Variants in NCAM2 observed in about 807,000 individuals in gnomAD.
The protein encoded by NCAM2 is N-CAM-2.
A neutral mutation model predicts 98.1 loss-of-function variants in NCAM2; 30 were observed. The observed-to-expected ratio is 0.31, with a 90% CI of 0.23 to 0.41. NCAM2 has a LOEUF of 0.41. NCAM2 is among the 10% of genes least tolerant of loss of function. The pLI, the probability that NCAM2 is intolerant of heterozygous loss-of-function variation, is 1.00. For missense variants in NCAM2, 867 were observed against 1,005.8 expected (o/e 0.86, Z 1.87); for synonymous variants, 368 against 342.4 (o/e 1.07, Z -0.83).
intron 12 of NCAM2, among the ~76,000 whole-genome samples, chr21:21,451,560 A>G (rs1198640684): frequency 6.6e-6 from 1 of 152,086 alleles, no homozygotes; most frequent in Admixed American, 6.6e-5. Flanking sequence ...CTCTTCCTCT[A>G]AAGCACAGTC....
chr21:21,385,398 A>G (rs929063312), intron 9 of NCAM2, among the ~76,000 whole-genome samples: 9 of 130,688 alleles, frequency 6.9e-5, no homozygotes, highest in Non-Finnish European at 1.2e-4. Flanking sequence ...ACACACACAC[A>G]CGCACACACA....
At chr21:21,336,446 TGGA>T (rs2074872202) in intron 7 of NCAM2, among the ~76,000 whole-genome samples, 1 of 151,760 alleles carries the variant, frequency 6.6e-6, no homozygotes, top group Non-Finnish European at 1.5e-5. Context: ...GGATAGCATT[TGGA>T]GATATACCTA....
chr21:21,278,485 G>A, intron 1 of NCAM2, among the ~76,000 whole-genome samples: 1 of 152,146 alleles, frequency 6.6e-6, no homozygotes, highest in East Asian at 1.9e-4. Flanking sequence ...AGGCAAGGGA[G>A]AAAAAGAGAG....
At chr21:21,385,228 A>G (rs1195267421) in intron 9 of NCAM2, among the ~76,000 whole-genome samples, 1 of 152,074 alleles carries the variant, frequency 6.6e-6, no homozygotes, top group Non-Finnish European at 1.5e-5. Context: ...TAAAACTCTT[A>G]GTACCTTATG....
intron 8 of NCAM2, among the ~76,000 whole-genome samples, chr21:21,360,361 G>A (rs1240146954): frequency 8.6e-5 from 13 of 151,830 alleles, no homozygotes; most frequent in East Asian, 1.9e-4. Flanking sequence ...ATCTTTCTTC[G>A]CTATGATATT....
intron 16 of NCAM2, among the ~76,000 whole-genome samples, chr21:21,516,027 G>T (rs866661327): frequency 6.6e-6 from 1 of 152,066 alleles, no homozygotes; most frequent in African/African-American, 2.4e-5. Flanking sequence ...AGGATTTTGA[G>T]GGAGCCACAC....
chr21:21,333,395 C>G (rs534117947), intron 6 of NCAM2, among the ~76,000 whole-genome samples: 3 of 152,134 alleles, frequency 2.0e-5, no homozygotes, highest in Non-Finnish European at 4.4e-5. Flanking sequence ...CTTGTCATAT[C>G]TCCCGTTATA....
intron 1 of NCAM2, among the ~76,000 whole-genome samples, chr21:21,012,503 C>A (rs1352669947): frequency 1.3e-5 from 2 of 151,982 alleles, no homozygotes; most frequent in Non-Finnish European, 2.9e-5. Context: ...TATTATAGCA[C>A]AGGAAAGGCC....
At chr21:21,018,117 A>G (rs1052053581) in intron 1 of NCAM2, among the ~76,000 whole-genome samples, 2 of 152,226 alleles carry the variant, frequency 1.3e-5, no homozygotes, top group African/African-American at 2.4e-5. Flanking sequence ...CACACTTCGT[A>G]TAACTGAAGA....
At position 21,457,430 on chromosome 21, in the gene NCAM2, C is replaced by T. The variant is rs568880422; in HGVS notation, c.1655-9176C>T. On this transcript the variant is annotated intron_variant, in intron 12 of 17. Coordinates refer to ENST00000400546, the MANE Select transcript of NCAM2 (RefSeq NM_004540.5). ...GCCGAGGCGGGCAGATCATGAGGTC[C>T]GGAGTTCGAGACCAGCCTGGCCAAT... is the stretch of plus-strand genomic sequence containing the variant. 8.5e-5 allele frequency among the ~76,000 whole-genome samples: 13 copies of T among 152,064 alleles called. No homozygotes were observed. The South Asian group carries it at 1.9e-3, about 22-fold the overall frequency.
intron 1 of NCAM2, among the ~76,000 whole-genome samples, chr21:21,091,622 G>C (rs1043509600): frequency 3.3e-5 from 5 of 152,066 alleles, no homozygotes; most frequent in African/African-American, 1.2e-4. Context: ...GTCTTACATG[G>C]ATAAGGATTA....
chr21:21,240,562 A>G (rs551126307), intron 1 of NCAM2, among the ~76,000 whole-genome samples: 5 of 152,342 alleles, frequency 3.3e-5, no homozygotes, highest in Non-Finnish European at 7.3e-5. Flanking sequence ...TGACTCCGTC[A>G]TTAATTACCC....
intron 8 of NCAM2, among the ~76,000 whole-genome samples, chr21:21,339,809 C>G (rs1221148251): frequency 6.6e-6 from 1 of 151,822 alleles, no homozygotes; most frequent in Non-Finnish European, 1.5e-5. Flanking sequence ...TTATTACTTT[C>G]CTTTTGAAAG....
chr21:21,082,786 T>C (rs1264352024), intron 1 of NCAM2, among the ~76,000 whole-genome samples: 3 of 152,318 alleles, frequency 2.0e-5, no homozygotes, highest in Non-Finnish European at 2.9e-5. Context: ...CTAGCTGTAG[T>C]GCCTGCCTTA....
chr21:21,144,211 T>A (rs961809795), intron 1 of NCAM2, among the ~76,000 whole-genome samples: 4 of 151,986 alleles, frequency 2.6e-5, no homozygotes, highest in Admixed American at 1.3e-4. Context: ...TAGCCAGGTG[T>A]GGTGGTGCAT....
chr21:21,453,012 TAAAA>T (rs1387839971), intron 12 of NCAM2, among the ~76,000 whole-genome samples: 19 of 104,442 alleles, frequency 1.8e-4, no homozygotes, highest in South Asian at 1.2e-3. Context: ...ATATAATATA[TAAAA>T]ATATATAATA....
intron 3 of NCAM2, among the ~76,000 whole-genome samples, chr21:21,285,704 T>C (rs1259375088): frequency 6.6e-6 from 1 of 151,924 alleles, no homozygotes; most frequent in East Asian, 1.9e-4. Context: ...AAGACACTTA[T>C]TAGGTGTGTA....
intron 16 of NCAM2, among the ~76,000 whole-genome samples, chr21:21,522,150 T>A (rs1363430781): frequency 6.8e-6 from 1 of 147,996 alleles, no homozygotes; most frequent in Non-Finnish European, 1.5e-5. Context: ...TATATATGAA[T>A]GAATACTATA....
Position 21,436,871 on chromosome 21 carries a change from C to T in NCAM2, c.1654+4590C>T, listed in dbSNP as rs191536337. Among the ~76,000 whole-genome samples, 7 of 151,730 alleles carry T rather than the reference C, an allele frequency of 4.6e-5. No individual in the cohort carries two copies. In the East Asian group the frequency reaches 1.2e-3, roughly 25 times the overall value. ...CCGCCTGCCGGGTTCAAGCGATTCTCGTGCCTCAGCCTCCCTAGTAGCTGA... is the reference window on the plus strand; with the variant it reads ...CCGCCTGCCGGGTTCAAGCGATTCTTGTGCCTCAGCCTCCCTAGTAGCTGA... On this transcript the variant is annotated intron_variant, in intron 12 of 17. Transcript: ENST00000400546.
Sources: gnomAD v4.1 joint callset for allele counts (sites outside exome capture counted in the v4.1 genomes callset) on GRCh38, gnomAD v4.1.1 for gene constraint, MANE v1.5 for transcripts, NCBI Gene and HGNC (gene_info 2026-07-23, HGNC 2026-07-21) for gene names.